The following RPS6KC1 variants were observed in gnomAD, a reference collection of about 807,000 sequenced individuals.
RPS6KC1 encodes inactive ribosomal protein S6 kinase delta-1.
A neutral mutation model predicts 103.8 loss-of-function variants in RPS6KC1; 54 were observed. The observed-to-expected ratio is 0.52, with a 90% confidence interval of 0.42 to 0.65. The LOEUF is 0.65. RPS6KC1 is among the 30% of genes least tolerant of loss of function. The probability of loss-of-function intolerance (pLI) is 0.00; values close to 1 mark genes in which losing one functional copy is unlikely to be tolerated. For missense variants in RPS6KC1, 1,151 were observed against 1,253.8 expected, an observed-to-expected ratio of 0.92 and a Z score of 1.24; for synonymous variants, 439 against 438.7, an observed-to-expected ratio of 1.00 and a Z score of -0.01.
intron 7 of RPS6KC1, among the ~76,000 whole-genome samples, chr1:213,168,586 G>A (rs2091198599): frequency 6.6e-6 from 1 of 151,662 alleles, no homozygotes; most frequent in Non-Finnish European, 1.5e-5. Flanking sequence ...TTTAAGAATT[G>A]TGTCTTCCGG....
chr1:213,749,234 T>G, the RPS6KC1 span, among the ~76,000 whole-genome samples: 1 of 152,194 alleles, frequency 6.6e-6, no homozygotes, highest in Non-Finnish European at 1.5e-5. Context: ...TCAGACTCAT[T>G]GATGAGCATC....
chr1:213,837,357 C>T, the RPS6KC1 span: 1 of 152,160 alleles, frequency 6.6e-6, no homozygotes, highest in East Asian at 1.9e-4. Context: ...ACATAGATTA[C>T]CCATCTGGCA....
chr1:213,401,407 C>A, the RPS6KC1 span, among the ~76,000 whole-genome samples: 2 of 152,218 alleles, frequency 1.3e-5, no homozygotes, highest in African/African-American at 4.8e-5. Context: ...GCTCTTTCCA[C>A]TGACACCCAG....
At chr1:213,308,468 A>G in the RPS6KC1 span, among the ~76,000 whole-genome samples, 4 of 152,074 alleles carry the variant, frequency 2.6e-5, no homozygotes, top group Non-Finnish European at 5.9e-5. Context: ...TATACAAAAC[A>G]TTTTCTCCAT....
chr1:213,346,685 A>G, the RPS6KC1 span, among the ~76,000 whole-genome samples: 3 of 152,196 alleles, frequency 2.0e-5, no homozygotes, highest in Non-Finnish European at 2.9e-5. Flanking sequence ...TACCTTTAAT[A>G]CATTATAAAT....
chr1:213,593,948 C>G, the RPS6KC1 span, among the ~76,000 whole-genome samples: 1 of 152,172 alleles, frequency 6.6e-6, no homozygotes, highest in South Asian at 2.1e-4. Context: ...TCACTGCAAC[C>G]TCTGCCTCCT....
chr1:213,850,576 C>G, the RPS6KC1 span, among the ~76,000 whole-genome samples: 2 of 152,222 alleles, frequency 1.3e-5, no homozygotes, highest in East Asian at 3.9e-4. Flanking sequence ...ACAACTGTTT[C>G]AATTTGTGTT....
At chr1:213,291,986 C>T in the RPS6KC1 span, among the ~76,000 whole-genome samples, 1 of 152,082 alleles carries the variant, frequency 6.6e-6, no homozygotes, top group Non-Finnish European at 1.5e-5. Context: ...TTTTCCAGCA[C>T]CATTTATTAA....
the RPS6KC1 span, among the ~76,000 whole-genome samples, chr1:213,666,325 C>T: frequency 6.6e-6 from 1 of 152,192 alleles, no homozygotes; most frequent in Admixed American, 6.5e-5. Flanking sequence ...CAATTATCTC[C>T]TCAAGTCCTT....
chr1:213,725,384 C>A, the RPS6KC1 span, among the ~76,000 whole-genome samples: 2,970 of 152,324 alleles, frequency 0.019, 51 homozygotes, highest in Middle Eastern at 0.037. Flanking sequence ...TGAGCCTTAA[C>A]ACACACATCC....
At chr1:213,307,629 C>G in the RPS6KC1 span, among the ~76,000 whole-genome samples, 1 of 152,282 alleles carries the variant, frequency 6.6e-6, no homozygotes, top group South Asian at 2.1e-4. Context: ...TTAACCCATC[C>G]CAGGACAGGA....
Position 213,129,575 on chromosome 1 carries a change from C to T in RPS6KC1, c.521C>T (p.Ser174Phe), listed in dbSNP as rs1558378495. The part of the protein sequence containing the change: ...DLVSLTVDVD[S>F]LAELDDGMAS... ...GTATCTCTTACTGTTGATGTGGATT[C>T]TCTTGCTGAGTTAGATGATGGAATG... Residue 174 changes from serine to phenylalanine, a missense_variant, in exon 6 of 15, where the codon TCT (serine) becomes TTT (phenylalanine). Around this residue, in one of 3 missense-constraint regions of RPS6KC1, gnomAD observed 959 missense variants for 1,006.3 expected, o/e 0.95. Transcript: ENST00000366960. The T allele has an allele frequency of 1.9e-6, 3 of 1,613,634 alleles. No homozygotes were observed. Among genetic ancestry groups the T allele is most frequent in the Middle Eastern group, 1.7e-4 (1 of 6,054 alleles).
the RPS6KC1 span, among the ~76,000 whole-genome samples, chr1:213,853,052 C>T: frequency 6.6e-6 from 1 of 152,152 alleles, no homozygotes. Context: ...GATCATCCAT[C>T]CCTCTGGAAC....
the RPS6KC1 span, among the ~76,000 whole-genome samples, chr1:213,597,120 G>A: frequency 6.6e-6 from 1 of 152,160 alleles, no homozygotes; most frequent in African/African-American, 2.4e-5. Context: ...TCCTTACTAT[G>A]TGGATGTTCA....
At chr1:213,181,370 A>G (rs114039115) in intron 8 of RPS6KC1, among the ~76,000 whole-genome samples, 15 of 152,360 alleles carry the variant, frequency 9.8e-5, no homozygotes, top group Non-Finnish European at 2.2e-4. Context: ...ATGCCTTCAC[A>G]TTTTGTAATC....
chr1:213,566,468 TTTTTTTTTTTTTTTTTTTTTTTTG>T, the RPS6KC1 span, among the ~76,000 whole-genome samples: 1 of 45,546 alleles, frequency 2.2e-5, no homozygotes, highest in Non-Finnish European at 4.6e-5. Context: ...TTTTTTTTTT[TTTTTTTTTTTTTTTTTTTTTTTTG>T]GATATTGCCT....
chr1:213,176,603 C>A, intron 8 of RPS6KC1, 111 bp downstream of exon 8: 1 of 648,890 alleles, frequency 1.5e-6, no homozygotes, highest in Non-Finnish European at 2.6e-6. Context: ...GAAAATGACT[C>A]AAATGCATGT....
chr1:213,137,456 C>T (rs1297861513), intron 6 of RPS6KC1, among the ~76,000 whole-genome samples: 4 of 151,948 alleles, frequency 2.6e-5, no homozygotes, highest in Non-Finnish European at 5.9e-5. Context: ...GCCTCAACCT[C>T]CCGAGTAGCT....
the RPS6KC1 span, among the ~76,000 whole-genome samples, chr1:213,405,249 A>T: frequency 0.045 from 6,852 of 152,326 alleles, 198 homozygotes; most frequent in Non-Finnish European, 0.066. Context: ...TGGGATACGG[A>T]GGATAGAAAT....
Sources: gnomAD v4.1 joint callset for allele counts (sites outside exome capture counted in the v4.1 genomes callset) on GRCh38, gnomAD v4.1.1 for gene constraint, gnomAD v4.1.1 regional missense constraint, MANE v1.5 for transcripts, NCBI Gene and HGNC (gene_info 2026-07-23, HGNC 2026-07-21) for gene names.